The following NCAM2 variants were observed in gnomAD, a reference collection of about 807,000 sequenced individuals.
NCAM2 encodes N-CAM-2.
Under a neutral mutation model 98.1 loss-of-function variants are expected in NCAM2, and 30 were observed. The ratio of observed to expected loss-of-function variants is 0.31; its 90% CI spans 0.23 to 0.41. NCAM2 has a LOEUF of 0.41. Ranked by LOEUF, NCAM2 falls within the 10% of genes least tolerant of loss-of-function variation. The pLI, the probability that NCAM2 is intolerant of heterozygous loss-of-function variation, is 1.00. For missense variants in NCAM2, 867 were observed against 1,005.8 expected (o/e 0.86, Z 1.87); for synonymous variants, 368 against 342.4 (o/e 1.07, Z -0.83).
At chr21:21,087,192 A>G (rs971983406) in intron 1 of NCAM2, among the ~76,000 whole-genome samples, 3 of 151,992 alleles carry the variant, frequency 2.0e-5, no homozygotes, top group African/African-American at 7.2e-5. Context: ...GATAATCTCC[A>G]CATTCTGCCT....
intron 1 of NCAM2, among the ~76,000 whole-genome samples, chr21:21,057,094 A>G (rs2065227499): frequency 6.6e-6 from 1 of 152,118 alleles, no homozygotes; most frequent in East Asian, 1.9e-4. Flanking sequence ...TATAGTATTG[A>G]AAGATTGAAA....
intron 1 of NCAM2, among the ~76,000 whole-genome samples, chr21:21,052,180 C>T (rs2065124773): frequency 2.0e-5 from 2 of 102,488 alleles, no homozygotes; most frequent in African/African-American, 4.5e-5. Context: ...TTTTTTGAGA[C>T]GGAGTCTCGC....
At chr21:21,101,690 A>G (rs2066244394) in intron 1 of NCAM2, among the ~76,000 whole-genome samples, 1 of 152,122 alleles carries the variant, frequency 6.6e-6, no homozygotes, top group South Asian at 2.1e-4. Flanking sequence ...TTTCTCAAAA[A>G]GGTCACAGTC....
chr21:21,252,114 G>C (rs2071496600), intron 1 of NCAM2, among the ~76,000 whole-genome samples: 1 of 151,896 alleles, frequency 6.6e-6, no homozygotes, highest in Non-Finnish European at 1.5e-5. Flanking sequence ...TAACATTACT[G>C]GTTATTAGAG....
At chr21:21,286,214 G>C in intron 3 of NCAM2, 55 bp from the exon 4 acceptor site, 1 of 1,475,338 alleles carries the variant, frequency 6.8e-7, no homozygotes, top group Non-Finnish European at 9.1e-7. Flanking sequence ...GGAGAAATAA[G>C]CAATGATACT....
intron 1 of NCAM2, among the ~76,000 whole-genome samples, chr21:21,258,999 G>A (rs1013790213): frequency 6.6e-6 from 1 of 152,170 alleles, no homozygotes; most frequent in Non-Finnish European, 1.5e-5. Context: ...AGATGTGGAG[G>A]GAGGGTCATC....
intron 9 of NCAM2, among the ~76,000 whole-genome samples, chr21:21,384,906 T>C (rs1235087678): frequency 2.0e-5 from 3 of 152,012 alleles, no homozygotes; most frequent in Non-Finnish European, 4.4e-5. Context: ...GGGTATTGGG[T>C]TAGATAACCA....
chr21:21,379,956 G>A (rs2076116137), intron 9 of NCAM2, among the ~76,000 whole-genome samples: 1 of 152,060 alleles, frequency 6.6e-6, no homozygotes, highest in South Asian at 2.1e-4. Flanking sequence ...GAGGACAGGA[G>A]GCATCCAGCA....
At chr21:21,244,844 TAAAA>T (rs11410837) in intron 1 of NCAM2, among the ~76,000 whole-genome samples, 2 of 99,942 alleles carry the variant, frequency 2.0e-5, no homozygotes, top group African/African-American at 4.0e-5. Context: ...AGACTCTGTC[TAAAA>T]AAAAAAAAAA....
intron 5 of NCAM2, among the ~76,000 whole-genome samples, chr21:21,309,921 C>T (rs2073993949): frequency 6.6e-6 from 1 of 152,140 alleles, no homozygotes; most frequent in Non-Finnish European, 1.5e-5. Flanking sequence ...TTGTTTTATA[C>T]AATGTTTCTG....
At chr21:21,370,644 T>G (rs924862215) in intron 8 of NCAM2, among the ~76,000 whole-genome samples, 6 of 151,774 alleles carry the variant, frequency 4.0e-5, no homozygotes, top group African/African-American at 7.3e-5. Context: ...GCTACTCAGG[T>G]GGTAAATCAT....
rs1369214225 is a variant in NCAM2, at chr21:21,511,645, T to C, written c.2282+2590T>C. Among the ~76,000 whole-genome samples the C allele has an allele frequency of 2.6e-5, 4 of 151,932 alleles. No homozygotes were observed. In the East Asian group the frequency reaches 5.8e-4, roughly 22 times the overall value. ...ACTGGATCACATGGTAGTTTCTATT[T>C]TTAGTTTTTTGAGGAAGCTTCATGC... On this transcript the variant is annotated intron_variant, in intron 16 of 17. Coordinates refer to ENST00000400546, the MANE Select transcript of NCAM2 (RefSeq NM_004540.5).
At chr21:21,079,795 C>G (rs1485872658) in intron 1 of NCAM2, among the ~76,000 whole-genome samples, 1 of 152,282 alleles carries the variant, frequency 6.6e-6, no homozygotes, top group Admixed American at 6.5e-5. Context: ...AGCCAGCTTA[C>G]TCTAAGAGTC....
intron 1 of NCAM2, among the ~76,000 whole-genome samples, chr21:21,046,455 G>C (rs1226152154): frequency 6.6e-6 from 1 of 152,030 alleles, no homozygotes; most frequent in African/African-American, 2.4e-5. Context: ...CAAAATACAA[G>C]CATTTAAACA....
chr21:21,122,757 G>A (rs2066702181), intron 1 of NCAM2, among the ~76,000 whole-genome samples: 1 of 152,170 alleles, frequency 6.6e-6, no homozygotes, highest in Admixed American at 6.5e-5. Context: ...TGCAAAACCT[G>A]CTGTGTCCAT....
chr21:21,516,514 T>C (rs1321413609), intron 16 of NCAM2, among the ~76,000 whole-genome samples: 2 of 152,200 alleles, frequency 1.3e-5, no homozygotes, highest in African/African-American at 4.8e-5. Flanking sequence ...GAAATTCTTC[T>C]GAATTTCTAT....
chr21:21,489,795 A>G (rs992284661), intron 15 of NCAM2, among the ~76,000 whole-genome samples: 7 of 152,104 alleles, frequency 4.6e-5, no homozygotes, highest in African/African-American at 1.7e-4. Flanking sequence ...ATATATTTCC[A>G]CAGTAAATTT....
intron 1 of NCAM2, among the ~76,000 whole-genome samples, chr21:21,003,844 C>T (rs995239825): frequency 2.6e-5 from 4 of 152,054 alleles, no homozygotes; most frequent in African/African-American, 4.8e-5. Flanking sequence ...GGAATGGTTG[C>T]GTAGATTGTG....
At chr21:21,485,323 A>G (rs771775939) in intron 15 of NCAM2, among the ~76,000 whole-genome samples, 1 of 152,186 alleles carries the variant, frequency 6.6e-6, no homozygotes, top group African/African-American at 2.4e-5. Flanking sequence ...TTTAGATTAC[A>G]TTTTGAGCTG....
Sources: gnomAD v4.1 joint callset for allele counts (sites outside exome capture counted in the v4.1 genomes callset) on GRCh38, gnomAD v4.1.1 for gene constraint, MANE v1.5 for transcripts, NCBI Gene and HGNC (gene_info 2026-07-23, HGNC 2026-07-21) for gene names.